The following MLIP variants were observed in gnomAD, a reference collection of about 807,000 sequenced individuals.
The protein encoded by MLIP is muscular LMNA-interacting protein.
MLIP carries 79 observed loss-of-function variants against 84.8 expected under a neutral mutation model. The observed-to-expected ratio is 0.93, with a 90% CI of 0.78 to 1.12. The LOEUF (loss-of-function observed/expected upper bound fraction) is 1.12, where lower values mean the gene tolerates loss of function less well. Ranked by LOEUF, MLIP falls within the 50% of genes most tolerant of loss-of-function variation. The pLI is 0.00. For missense variants in MLIP, 1,257 were observed against 1,160.6 expected (o/e 1.08, Z -1.21); for synonymous variants, 504 against 463.0 (o/e 1.09, Z -1.14).
At chr6:54,206,282 T>G (rs982911442) in intron 11 of MLIP, among the ~76,000 whole-genome samples, 1 of 152,172 alleles carries the variant, frequency 6.6e-6, no homozygotes, top group Non-Finnish European at 1.5e-5. Context: ...CCTCTCTTTA[T>G]AAATTAATAA....
intron 11 of MLIP, among the ~76,000 whole-genome samples, chr6:54,213,557 C>A (rs1349289716): frequency 6.6e-6 from 1 of 151,706 alleles, no homozygotes; most frequent in Non-Finnish European, 1.5e-5. Flanking sequence ...CAAAAATTAG[C>A]CAGGCATGGT....
At chr6:54,110,638 C>T (rs1400390191), upstream of MLIP, among the ~76,000 whole-genome samples, 1 of 152,156 alleles carries the variant, frequency 6.6e-6, no homozygotes, top group East Asian at 1.9e-4. Context: ...ATAGTAATTC[C>T]TTCCCATAGC....
At chr6:54,097,001 T>C (rs1768261534) in intron 1 of MLIP, among the ~76,000 whole-genome samples, 1 of 152,124 alleles carries the variant, frequency 6.6e-6, no homozygotes, top group Admixed American at 6.6e-5. Context: ...ATGGAGCAAC[T>C]GAGCCGAAGC....
chr6:54,154,802 G>T (rs766827815), intron 5 of MLIP, among the ~76,000 whole-genome samples: 2 of 152,098 alleles, frequency 1.3e-5, no homozygotes, highest in Admixed American at 6.6e-5. Flanking sequence ...AAATAATGTG[G>T]CTCTGAGATG....
chr6:54,019,050 A>G (rs1763353613), exon 1 of MLIP: 1 of 1,611,684 alleles, frequency 6.2e-7, no homozygotes, highest in Admixed American at 1.7e-5. Flanking sequence ...AAAGCGTGAA[A>G]AAAGAAGCTT....
At chr6:54,148,974 A>G in intron 4 of MLIP, 82 bp from the exon 5 acceptor site, 2 of 1,144,264 alleles carry the variant, frequency 1.7e-6, no homozygotes, top group South Asian at 2.6e-5. Flanking sequence ...CGTATCATTT[A>G]ACTTGGTAGA....
chr6:54,169,735 A>G (rs1466687094), intron 9 of MLIP, among the ~76,000 whole-genome samples, 163 bp downstream of exon 9: 1 of 151,678 alleles, frequency 6.6e-6, no homozygotes, highest in African/African-American at 2.4e-5. Flanking sequence ...GTTATGTCAG[A>G]GATAAAACAT....
rs371102271 is a variant in MLIP, at chr6:54,257,322, G to T, written c.2937G>T (p.Met979Ile). Residue 979 changes from methionine to isoleucine, a missense_variant, in exon 13 of 14, where the codon ATG becomes ATT. By Grantham distance (10) the Met-to-Ile change is conservative. Transcript: ENST00000502396. ...HNACNKLSHP[M>I]VAIPEHEALD... is the part of the protein sequence containing the mutation. ...TTTCTGTGAAGCTGAGTCATCCAAT[G>T]GTGGCTATTCCTGAACATGAAGCTC... The T allele has an allele frequency of 6.2e-7, 1 of 1,612,156 alleles. No homozygotes were observed. Among genetic ancestry groups the T allele is most frequent in the African/African-American group, 1.3e-5 (1 of 74,738 alleles).
intron 1 of MLIP, among the ~76,000 whole-genome samples, chr6:54,048,580 A>C (rs1765202370): frequency 6.6e-6 from 1 of 152,080 alleles, no homozygotes; most frequent in African/African-American, 2.4e-5. Flanking sequence ...ATGGGAAACA[A>C]AGCCATTGAG....
In MLIP at chr6:54,024,736, C is replaced by T. The variant is rs150304711; in HGVS notation, c.63+5645C>T. 1.2e-4 allele frequency among the ~76,000 whole-genome samples: 18 copies of T among 152,292 alleles called. No homozygotes were observed. In the East Asian group the frequency reaches 3.3e-3, roughly 28 times the overall value. ...AAACCATTGACACCTCAGTTTCTCACATGGACCTGTGGTAGCAAGTCTATA... is the reference window on the plus strand; with the variant it reads ...AAACCATTGACACCTCAGTTTCTCATATGGACCTGTGGTAGCAAGTCTATA... On this transcript the variant is annotated intron_variant, in intron 1 of 12. Coordinates refer to the MLIP transcript ENST00000274897.
chr6:54,137,125 C>T lies in MLIP; in HGVS notation c.1056C>T (p.Ser352=). The change falls in exon 4 of 14, where the codon TCC becomes TCT. Residue 352 remains serine (S), a synonymous_variant. Transcript: ENST00000502396. ...SPRTSSSPPS[S]SASLKSNSAS... ...GAACCTCTTCTTCTCCACCGTCCTCCAGTGCTTCTCTGAAGTCGAATTCGG... is the reference window on the plus strand; with the variant it reads ...GAACCTCTTCTTCTCCACCGTCCTCTAGTGCTTCTCTGAAGTCGAATTCGG... The T allele has an allele frequency of 6.5e-7, 1 of 1,536,122 alleles. No homozygotes were observed. The highest frequency in any genetic ancestry group is 8.7e-7 in the Non-Finnish European group (1 of 1,146,902).
In MLIP at chr6:54,137,702, T is replaced by A. The variant is rs1216291191; in HGVS notation, c.1633T>A (p.Ser545Thr). The A allele has an allele frequency of 5.2e-6, 8 of 1,536,080 alleles. No homozygotes were observed. Among genetic ancestry groups the A allele is most frequent in the South Asian group, 2.4e-5 (2 of 84,056 alleles). Residue 545 changes from serine to threonine, a missense_variant, in exon 4 of 14, where the codon TCC (serine) becomes ACC (threonine). By Grantham distance (58) the Ser-to-Thr change is moderately conservative (BLOSUM62 1). Coordinates refer to ENST00000502396, the MANE Select transcript of MLIP (RefSeq NM_001281747.2). ...GCTCTCCCTGCTACAAACCAGTACA[T>A]CCAGTTCTGTGGGTCTTCCTCCTGT... ...TMLSLLQTST[S>T]SSVGLPPVPP...
rs1232570681 is a variant in MLIP at position 54,217,907 on chromosome 6, A to C, written c.2719-12807A>C. 4.1e-6 allele frequency: 4 copies of C among 985,268 alleles called. No homozygotes were observed. In the African/African-American group the frequency reaches 7.0e-5, roughly 17 times the overall value. The allele number at this position is 985,268 out of a possible 1,614,324, so 61.0% of individuals were successfully genotyped here. On this transcript the variant is annotated intron_variant, in intron 11 of 13. Coordinates refer to ENST00000502396, the MANE Select transcript of MLIP (RefSeq NM_001281747.2). ...AGAATCATTTAGAATAGTGATCTCT[A>C]AAGTATTAGGTACCAACCTCAAGAT... is the stretch of plus-strand genomic sequence containing the variant.
chr6:54,253,411 C>T (rs1782775235), intron 12 of MLIP, among the ~76,000 whole-genome samples: 1 of 151,984 alleles, frequency 6.6e-6, no homozygotes, highest in African/African-American at 2.4e-5. Context: ...TGTATGGCAC[C>T]CATGGTGATT....
chr6:54,214,139 G>T (rs73741470), intron 11 of MLIP, among the ~76,000 whole-genome samples: 4,795 of 152,158 alleles, frequency 0.032, 229 homozygotes, highest in African/African-American at 0.11. Context: ...ACAACTCTTA[G>T]GCTCAGAGCA....
chr6:54,039,856 T>A (rs1472005840), intron 1 of MLIP, among the ~76,000 whole-genome samples: 5 of 151,922 alleles, frequency 3.3e-5, no homozygotes, highest in Non-Finnish European at 5.9e-5. Flanking sequence ...ATGTTAAACA[T>A]TTTAGATCAA....
chr6:54,120,448 A>G (rs1770347753), intron 1 of MLIP, among the ~76,000 whole-genome samples: 1 of 152,064 alleles, frequency 6.6e-6, no homozygotes, highest in Non-Finnish European at 1.5e-5. Flanking sequence ...CATGTTAGCC[A>G]GGCTGGTTTC....
intron 4 of MLIP, among the ~76,000 whole-genome samples, chr6:54,145,921 A>T (rs768599673): frequency 1.3e-5 from 2 of 152,166 alleles, no homozygotes. Flanking sequence ...AGGAGTTCCT[A>T]GTCCTTAGTA....
intron 1 of MLIP, among the ~76,000 whole-genome samples, chr6:54,086,911 T>C (rs955765138): frequency 1.3e-5 from 2 of 152,242 alleles, no homozygotes; most frequent in Non-Finnish European, 2.9e-5. Flanking sequence ...CACCTCCATC[T>C]TCTGCTACTC....
Sources: gnomAD v4.1 joint callset for allele counts (sites outside exome capture counted in the v4.1 genomes callset) on GRCh38, gnomAD v4.1.1 for gene constraint, MANE v1.5 for transcripts, NCBI Gene and HGNC (gene_info 2026-07-23, HGNC 2026-07-21) for gene names.